The following ENOSF1 variants were observed in gnomAD, a reference collection of about 807,000 sequenced individuals.
The protein encoded by ENOSF1 is enolase superfamily member 1.
ENOSF1 carries 73 observed loss-of-function variants against 68.2 expected under a neutral mutation model. The ratio of observed to expected loss-of-function variants is 1.07; its 90% CI spans 0.89 to 1.30. The LOEUF (loss-of-function observed/expected upper bound fraction) is 1.30. ENOSF1 is among the 50% of genes most tolerant of loss of function. The pLI is 0.00. For missense variants in ENOSF1, 589 were observed against 554.5 expected, an observed-to-expected ratio of 1.06 and a Z score of -0.62; for synonymous variants, 223 against 210.4, an observed-to-expected ratio of 1.06 and a Z score of -0.52.
rs747369647 is a variant in ENOSF1 at position 691,249 on chromosome 18, C to G, written c.451G>C (p.Asp151His). Residue 151 changes from aspartate to histidine, a missense_variant, in exon 6 of 16, where the codon GAT becomes CAT. Physicochemically the swap from Asp to His is moderately conservative, Grantham distance 81. Transcript: ENST00000647584. ...AGGACATCAGTGATGTACCTGAAAT[C>G]TATGCAGGATACCAGCATCCTGGGA... Reference protein sequence around the residue: ...MDPRMLVSCIDFRYITDVLTE... With the variant: ...MDPRMLVSCIHFRYITDVLTE... 12 of 1,614,150 alleles carry G rather than the reference C, an allele frequency of 7.4e-6. No homozygotes were observed. The highest frequency in any genetic ancestry group is 1.0e-5 in the Non-Finnish European group (12 of 1,180,026).
chr18:706,426 T>C, intron 2 of ENOSF1, 44 bp downstream of exon 2: 1 of 1,260,812 alleles, frequency 7.9e-7, no homozygotes, highest in South Asian at 1.2e-5. Context: ...GAATCTCATC[T>C]GAAAATTAAG....
the ENOSF1 span, among the ~76,000 whole-genome samples, chr18:663,834 C>T: frequency 2.9e-5 from 3 of 103,010 alleles, no homozygotes; most frequent in African/African-American, 1.1e-4. Context: ...TGTAGATATG[C>T]GGTGTTATTT....
chr18:668,935 G>A, downstream of ENOSF1: 1 of 622,994 alleles, frequency 1.6e-6, no homozygotes, highest in Non-Finnish European at 2.7e-6. Context: ...AAACTTTGCA[G>A]GATGCACCAG....
rs773399277 is a variant in ENOSF1, at chr18:690,557, A to G, written c.610T>C (p.Leu204=). Residue 204 remains leucine (L), a synonymous_variant, in exon 8 of 16, where the codon TTG becomes CTG. Transcript: ENST00000647584. ...CAGGTTAAAATGCCCACCTGCTTCA[A>G]CGTGTCATCTGAGTACCCCAGCCAG... ...CAWLGYSDDT[L]KQLCAQALKD... is the part of the protein sequence containing the mutation. 1.2e-6 allele frequency: 2 copies of G among 1,614,158 alleles called. No homozygotes were observed. Among genetic ancestry groups the G allele is most frequent in the Non-Finnish European group, 8.5e-7 (1 of 1,180,040 alleles).
At chr18:702,561 C>T (rs896849752) in intron 2 of ENOSF1, among the ~76,000 whole-genome samples, 2 of 151,818 alleles carry the variant, frequency 1.3e-5, no homozygotes, top group African/African-American at 2.4e-5. Context: ...GGCAACAGAG[C>T]GAGACTCTGT....
chr18:672,634 A>C lies in ENOSF1; in HGVS notation c.*1671T>G, dbSNP rs2075114157. On this transcript the variant is annotated 3_prime_UTR_variant, in exon 16 of 16. Coordinates refer to ENST00000647584, the MANE Select transcript of ENOSF1 (RefSeq NM_017512.7). ...CACCTGATGAGGCACCAGGCTCCTG[A>C]TGCTGTGTAATGTCACAAAATACCC... 2.7e-6 allele frequency: 1 copy of C among 375,136 alleles called. No homozygotes were observed. The highest frequency in any genetic ancestry group is 4.0e-5 in the Admixed American group (1 of 25,036). The allele number at this position is 375,136 out of a possible 1,614,324, so 23.2% of individuals were successfully genotyped here. A position where few individuals can be genotyped will look rare whatever the true frequency, so the allele number is the denominator to read the frequency against.
intron 5 of ENOSF1, chr18:692,891 C>A (rs1413316999): frequency 1.3e-5 from 15 of 1,111,458 alleles, no homozygotes; most frequent in Middle Eastern, 4.3e-4. Context: ...GGAGGAGGAG[C>A]AGTCTCCTGC....
At chr18:677,913 C>G (rs2075678611) in intron 12 of ENOSF1, 41 bp from the exon 13 acceptor site, 1 of 1,594,028 alleles carries the variant, frequency 6.3e-7, no homozygotes. Context: ...GAAGAGTCAG[C>G]CTTGGCCTTC....
intron 2 of ENOSF1, among the ~76,000 whole-genome samples, chr18:700,551 T>G (rs1345270406): frequency 6.6e-6 from 1 of 152,178 alleles, no homozygotes; most frequent in Non-Finnish European, 1.5e-5. Flanking sequence ...GGATTTTTCT[T>G]GCTCAACAGG....
At chr18:685,721 T>G (rs2076556748) in intron 10 of ENOSF1, among the ~76,000 whole-genome samples, 200 bp downstream of exon 10, 2 of 152,214 alleles carry the variant, frequency 1.3e-5, no homozygotes, top group Admixed American at 1.3e-4. Flanking sequence ...CTTACTTAAC[T>G]AGTTCTGCAG....
At chr18:691,424 C>T (rs1243299407) in intron 5 of ENOSF1, 148 bp from the exon 6 acceptor site, 3 of 636,876 alleles carry the variant, frequency 4.7e-6, no homozygotes, top group Non-Finnish European at 5.4e-6. Flanking sequence ...TAGCTCACTG[C>T]AGCCTCAGTC....
Position 673,099 on chromosome 18 carries a change from C to A in ENOSF1, c.*1206G>T. 3.9e-6 allele frequency: 5 copies of A among 1,285,180 alleles called. No homozygotes were observed. The highest frequency in any genetic ancestry group is 5.2e-6 in the Non-Finnish European group (5 of 955,092). The allele number at this position is 1,285,180 out of a possible 1,614,324, so 79.6% of individuals were successfully genotyped here. ...GCTCTAAAAGAAAAAGGAACTAGGTCAAAAATCTGTCCGTGACCTATCAGT... is the reference window on the plus strand; with the variant it reads ...GCTCTAAAAGAAAAAGGAACTAGGTAAAAAATCTGTCCGTGACCTATCAGT... On this transcript the variant is annotated 3_prime_UTR_variant, in exon 16 of 16. Coordinates refer to ENST00000647584, the MANE Select transcript of ENOSF1 (RefSeq NM_017512.7).
At chr18:666,817 G>A (rs1206558631), downstream of ENOSF1, among the ~76,000 whole-genome samples, 1 of 152,266 alleles carries the variant, frequency 6.6e-6, no homozygotes, top group Non-Finnish European at 1.5e-5. Flanking sequence ...CCAGGGACTG[G>A]GGAACAGGGA....
intron 5 of ENOSF1, chr18:693,612 G>A (rs2077424908): frequency 1.0e-6 from 1 of 985,326 alleles, no homozygotes; most frequent in South Asian, 4.7e-5. Flanking sequence ...TGGAGGCTCA[G>A]AGAACTGGCA....
chr18:688,701 G>C (rs748293501), intron 8 of ENOSF1, 93 bp from the exon 9 acceptor site: 3 of 1,156,486 alleles, frequency 2.6e-6, no homozygotes, highest in Admixed American at 3.4e-5. Context: ...CAAGCATTAC[G>C]GTTATAGCAT....
Position 694,027 on chromosome 18 carries a change from C to A in ENOSF1, c.397-119G>T. ...TCAGCCACCAGGTCCCCACACCCCC[C>A]TCTACTGCTGCCTGCGCCTTCCGCC... is the stretch of plus-strand genomic sequence containing the variant. On this transcript the variant is annotated intron_variant, in intron 4 of 15. Transcript: ENST00000647584. The A allele has an allele frequency of 2.5e-6, 3 of 1,181,730 alleles. No homozygotes were observed. In the South Asian group the frequency reaches 4.2e-5, roughly 16 times the overall value. 73.2% of individuals were successfully genotyped at this position (1,181,730 alleles called of 1,614,324 possible). A position where few individuals can be genotyped will look rare whatever the true frequency, so the allele number is the denominator to read the frequency against.
intron 2 of ENOSF1, among the ~76,000 whole-genome samples, chr18:697,759 T>A (rs762799509): frequency 6.6e-6 from 1 of 152,100 alleles, no homozygotes; most frequent in Non-Finnish European, 1.5e-5. Flanking sequence ...CTCAAAGGTA[T>A]ATTCTTTTTA....
chr18:688,575 T>C lies in ENOSF1; in HGVS notation c.652A>G (p.Arg218Gly), dbSNP rs780472331. 1.4e-5 allele frequency: 23 copies of C among 1,613,976 alleles called. No homozygotes were observed. The highest frequency in any genetic ancestry group is 1.9e-5 in the Non-Finnish European group (22 of 1,180,006). The change falls in exon 9 of 16, where the codon AGG becomes GGG. Residue 218 changes from arginine (R) to glycine (G), a missense_variant and splice_region_variant. Physicochemically the swap from Arg to Gly is moderately radical, Grantham distance 125 (BLOSUM62 -2). Coordinates refer to ENST00000647584, the MANE Select transcript of ENOSF1 (RefSeq NM_017512.7). ...AGTCAGGTCCATCATCACACTCACC[T>C]GGTCCAGCCATCCTTCAGCGCCTGG... ...CAQALKDGWT[R>G]FKVKVGADLQ...
downstream of ENOSF1, among the ~76,000 whole-genome samples, chr18:666,277 GGACAAAATGCC>G (rs1318601198): frequency 9.9e-5 from 15 of 151,618 alleles, no homozygotes; most frequent in Non-Finnish European, 2.1e-4. Context: ...GTGGGACAAG[GGACAAAATGCC>G]CCCATTGCTT....
Sources: allele counts gnomAD v4.1 joint callset (sites outside exome capture counted in the v4.1 genomes callset), GRCh38; gene constraint gnomAD v4.1.1; transcripts MANE v1.5; gene names NCBI Gene and HGNC (gene_info 2026-07-23, HGNC 2026-07-21).